Variants in DPH6 observed in about 807,000 individuals in gnomAD.
DPH6 encodes the protein diphthamine biosynthesis 6, also known as diphthine--ammonia ligase.
A neutral mutation model predicts 38.2 loss-of-function variants in DPH6; 33 were observed. That is an observed-to-expected ratio of 0.86 (90% confidence interval 0.65 to 1.15). The LOEUF (loss-of-function observed/expected upper bound fraction) is 1.15, where lower values mean the gene tolerates loss of function less well. DPH6 is among the 50% of genes most tolerant of loss of function. The probability of loss-of-function intolerance (pLI) is 0.00; values close to 1 mark genes in which losing one functional copy is unlikely to be tolerated. For missense variants in DPH6, 325 were observed against 320.0 expected (o/e 1.02, Z -0.12); for synonymous variants, 108 against 103.0 (o/e 1.05, Z -0.30).
At chr15:35,410,788 T>C (rs894825204) in intron 6 of DPH6, 47 bp downstream of exon 6, 24 of 1,497,650 alleles carry the variant, frequency 1.6e-5, no homozygotes, top group Non-Finnish European at 2.2e-5. Flanking sequence ...ATTATTTTGT[T>C]TTCTCCTTTA....
intron 3 of DPH6, among the ~76,000 whole-genome samples, chr15:35,349,430 TTTTTG>T (rs954719403): frequency 1.2e-4 from 19 of 152,194 alleles, no homozygotes; most frequent in Middle Eastern, 3.4e-3. Context: ...ATTGTTTGTT[TTTTTG>T]TTTTGTTTTG....
chr15:35,356,682 A>G lies in DPH6; in HGVS notation n.207+16839T>C, dbSNP rs369467550. Among the ~76,000 whole-genome samples, 13 of 152,300 alleles carry G rather than the reference A, an allele frequency of 8.5e-5. 2 individuals carry two copies. The highest frequency in any genetic ancestry group is 2.0e-4 in the Admixed American group (3 of 15,308). On this transcript the variant is annotated intron_variant and non_coding_transcript_variant, in intron 3 of 3. Coordinates refer to the DPH6 transcript ENST00000558973. ...GGAGTACCTGGCCATGTGAGGTGTC[A>G]GTCTGCCCCTACTGTGAGGTGCCTC...
chr15:35,377,837 C>G (rs74726664), intron 7 of DPH6, among the ~76,000 whole-genome samples: 3 of 151,706 alleles, frequency 2.0e-5, no homozygotes, highest in African/African-American at 7.3e-5. Context: ...TAATAAACTT[C>G]TACTTATTTA....
chr15:35,275,210 T>A (rs1595457154), intron 3 of DPH6, among the ~76,000 whole-genome samples: 1 of 152,166 alleles, frequency 6.6e-6, no homozygotes, highest in African/African-American at 2.4e-5. Context: ...CCACCGCGCC[T>A]GGCTGATTAT....
chr15:35,273,741 A>C (rs2051838552), intron 3 of DPH6, among the ~76,000 whole-genome samples: 1 of 152,226 alleles, frequency 6.6e-6, no homozygotes, highest in Non-Finnish European at 1.5e-5. Context: ...ACCACTGCTC[A>C]AGGAAATAAG....
intron 3 of DPH6, among the ~76,000 whole-genome samples, chr15:35,465,614 G>C: frequency 6.6e-6 from 1 of 152,032 alleles, no homozygotes; most frequent in East Asian, 1.9e-4. Flanking sequence ...ATATATTCAG[G>C]AATCTAATTA....
At chr15:35,168,336 T>A in the DPH6 span, among the ~76,000 whole-genome samples, 2 of 152,080 alleles carry the variant, frequency 1.3e-5, no homozygotes, top group Non-Finnish European at 2.9e-5. Flanking sequence ...AATATCTTAA[T>A]CATAAACTTT....
At chr15:35,499,599 C>T (rs1328030635) in intron 3 of DPH6, among the ~76,000 whole-genome samples, 1 of 152,166 alleles carries the variant, frequency 6.6e-6, no homozygotes, top group Non-Finnish European at 1.5e-5. Context: ...AAAGATGGTT[C>T]CCTAGCTATT....
chr15:35,383,138 A>G (rs2052894730), intron 6 of DPH6, among the ~76,000 whole-genome samples: 1 of 152,202 alleles, frequency 6.6e-6, no homozygotes, highest in Non-Finnish European at 1.5e-5. Context: ...TTTATTAGAA[A>G]ATGTTTTACT....
At chr15:35,510,950 G>T (rs980517676) in intron 3 of DPH6, among the ~76,000 whole-genome samples, 2 of 152,144 alleles carry the variant, frequency 1.3e-5, no homozygotes, top group Non-Finnish European at 2.9e-5. Context: ...AATGTATGAA[G>T]AAACTGACTT....
At chr15:35,355,395 A>G (rs1046039559) in intron 3 of DPH6, among the ~76,000 whole-genome samples, 1 of 152,054 alleles carries the variant, frequency 6.6e-6, no homozygotes, top group African/African-American at 2.4e-5. Context: ...GGTCTTTACA[A>G]TTTGGCATGT....
At chr15:35,201,254 T>C in the DPH6 span, among the ~76,000 whole-genome samples, 2 of 151,728 alleles carry the variant, frequency 1.3e-5, no homozygotes, top group Non-Finnish European at 3.0e-5. Flanking sequence ...ATCTACCCTA[T>C]CTATTATTGG....
chr15:35,175,666 A>G, the DPH6 span, among the ~76,000 whole-genome samples: 1 of 151,720 alleles, frequency 6.6e-6, no homozygotes, highest in African/African-American at 2.4e-5. Flanking sequence ...CACTTTTTCA[A>G]CTTTCATTAG....
At chr15:35,248,178 C>T (rs774745340) in intron 3 of DPH6, among the ~76,000 whole-genome samples, 1 of 152,186 alleles carries the variant, frequency 6.6e-6, no homozygotes, top group South Asian at 2.1e-4. Flanking sequence ...TTCTGTCCTT[C>T]TCTTGCCCTC....
Position 35,478,406 on chromosome 15 carries a change from A to ACAC in DPH6, c.313-23587_313-23586insGTG, listed in dbSNP as rs1566925048. Among the ~76,000 whole-genome samples the ACAC allele has an allele frequency of 6.2e-4, 82 of 131,264 alleles. 1 individual carries two copies. The highest frequency in any genetic ancestry group is 2.2e-3 in the African/African-American group (73 of 33,170). 86.1% of individuals were successfully genotyped at this position (131,264 alleles called of 152,430 possible). A position where few individuals can be genotyped will look rare whatever the true frequency, so the allele number is the denominator to read the frequency against. ...ACACACACACACACACACACACACAAAGATTGTAAAAATATGCAGTGGATT... is the reference window on the plus strand; with the variant it reads ...ACACACACACACACACACACACACAACACAGATTGTAAAAATATGCAGTGGATT... On this transcript the variant is annotated intron_variant, in intron 3 of 8. Transcript: ENST00000256538.
intron 3 of DPH6, among the ~76,000 whole-genome samples, chr15:35,232,775 A>G (rs1033204822): frequency 1.3e-5 from 2 of 152,240 alleles, no homozygotes; most frequent in African/African-American, 4.8e-5. Context: ...GGAGTATGGT[A>G]TAACATTTTC....
chr15:35,376,036 T>C (rs978716855), intron 7 of DPH6, among the ~76,000 whole-genome samples: 6 of 152,122 alleles, frequency 3.9e-5, no homozygotes, highest in African/African-American at 1.4e-4. Flanking sequence ...CCATGAAGCC[T>C]TCCCTGACAC....
At chr15:35,338,344 A>G (rs1317828666) in intron 3 of DPH6, among the ~76,000 whole-genome samples, 2 of 152,092 alleles carry the variant, frequency 1.3e-5, no homozygotes, top group African/African-American at 2.4e-5. Context: ...AGAAAAAAAC[A>G]AACAACCCCA....
the DPH6 span, among the ~76,000 whole-genome samples, chr15:35,160,496 G>A: frequency 6.6e-6 from 1 of 151,804 alleles, no homozygotes; most frequent in Non-Finnish European, 1.5e-5. Flanking sequence ...TGTTACATGG[G>A]TAAATTGCAT....
Sources: gnomAD v4.1 joint callset for allele counts (sites outside exome capture counted in the v4.1 genomes callset) on GRCh38, gnomAD v4.1.1 for gene constraint, MANE v1.5 for transcripts, NCBI Gene and HGNC (gene_info 2026-07-23, HGNC 2026-07-21) for gene names.